PLA2R1: variants seen among roughly 807,000 people sequenced by gnomAD.
The protein encoded by PLA2R1 is secretory phospholipase A2 receptor.
Under a neutral mutation model 195.9 loss-of-function variants are expected in PLA2R1, and 158 were observed. The observed-to-expected ratio is 0.81, with a 90% confidence interval of 0.71 to 0.92. The LOEUF (loss-of-function observed/expected upper bound fraction) is 0.92, where lower values mean the gene tolerates loss of function less well. PLA2R1 is among the 40% of genes least tolerant of loss of function. PLA2R1 has a pLI of 0.00. For synonymous variants in PLA2R1, 586 were observed against 598.2 expected (o/e 0.98, Z 0.30); for missense variants, 1,626 against 1,764.6 (o/e 0.92, Z 1.41).
chr2:159,970,203 A>G lies in PLA2R1; in HGVS notation c.2605T>C (p.Tyr869His). The part of the protein sequence containing the change: ...IHSKIKALSK[Y>H]GASWWIGLQE... ...AGTCCAATCCACCAACTTGCACCAT[A>G]CTTTGATAGCTATTGAAAGAAAAAA... Residue 869 changes from tyrosine to histidine, a missense_variant, in exon 18 of 30, where the codon TAT (tyrosine) becomes CAT (histidine). Tyr to His is a moderately conservative substitution (Grantham distance 83). Coordinates refer to ENST00000283243, the MANE Select transcript of PLA2R1 (RefSeq NM_007366.5). The G allele has an allele frequency of 6.2e-7, 1 of 1,608,110 alleles. No individual in the cohort carries two copies. The highest frequency in any genetic ancestry group is 1.1e-5 in the South Asian group (1 of 90,426).
rs1341340647 is a variant in PLA2R1 at position 159,967,532 on chromosome 2, A to C, written c.2904+7T>G. On this transcript the variant is annotated splice_region_variant and intron_variant, in intron 20 of 29. Transcript: ENST00000283243. The stretch of plus-strand genomic sequence containing the variant: ...AAACAAAGGCAACTTTTGAAAAACA[A>C]GCTTACCTTATAGTTAAAATATAGC... 1.9e-6 allele frequency: 3 copies of C among 1,610,824 alleles called. No individual in the cohort carries two copies. Among genetic ancestry groups the C allele is most frequent in the East Asian group, 2.2e-5 (1 of 44,832 alleles).
At chr2:160,058,089 C>T (rs1305768968) in intron 1 of PLA2R1, among the ~76,000 whole-genome samples, 1 of 152,064 alleles carries the variant, frequency 6.6e-6, no homozygotes, top group Non-Finnish European at 1.5e-5. Context: ...CACTCCCTTA[C>T]CATGCTTTCT....
chr2:160,061,232 C>T (rs1695928551), intron 1 of PLA2R1, among the ~76,000 whole-genome samples: 1 of 152,204 alleles, frequency 6.6e-6, no homozygotes, highest in South Asian at 2.1e-4. Context: ...CTCCTACTTG[C>T]ATATATGGAC....
At chr2:160,061,061 C>T (rs1046390254) in intron 1 of PLA2R1, among the ~76,000 whole-genome samples, 3 of 152,150 alleles carry the variant, frequency 2.0e-5, no homozygotes, top group Admixed American at 6.5e-5. Context: ...GAAAAGACTA[C>T]CTCAAAAATG....
intron 8 of PLA2R1, among the ~76,000 whole-genome samples, chr2:160,019,595 A>G (rs1573908625): frequency 6.6e-6 from 1 of 152,202 alleles, no homozygotes; most frequent in African/African-American, 2.4e-5. Flanking sequence ...AAATCAGGTC[A>G]TGCCCTTTGT....
At chr2:159,960,740 CAG>C (rs1386285522) in intron 20 of PLA2R1, among the ~76,000 whole-genome samples, 1 of 152,130 alleles carries the variant, frequency 6.6e-6, no homozygotes, top group Non-Finnish European at 1.5e-5. Flanking sequence ...TTATCAAACA[CAG>C]AGAAAACTAT....
chr2:159,959,548 T>G (rs1243500838), intron 20 of PLA2R1, among the ~76,000 whole-genome samples: 9 of 152,246 alleles, frequency 5.9e-5, no homozygotes, highest in Admixed American at 5.9e-4. Flanking sequence ...AATGCATCTC[T>G]GATTATTACT....
chr2:160,007,585 C>T (rs1052367375), intron 10 of PLA2R1, among the ~76,000 whole-genome samples: 2 of 152,176 alleles, frequency 1.3e-5, no homozygotes, highest in Non-Finnish European at 2.9e-5. Flanking sequence ...GGAGTTTGGC[C>T]AGAAGAAAGT....
chr2:160,002,783 C>A (rs1242338818), intron 11 of PLA2R1, among the ~76,000 whole-genome samples: 2 of 152,008 alleles, frequency 1.3e-5, no homozygotes, highest in Non-Finnish European at 2.9e-5. Flanking sequence ...GTTTACCCAA[C>A]AGTACAAAGC....
At chr2:160,004,585 G>T (rs1336519838) in intron 11 of PLA2R1, among the ~76,000 whole-genome samples, 2 of 152,212 alleles carry the variant, frequency 1.3e-5, no homozygotes, top group Non-Finnish European at 2.9e-5. Flanking sequence ...GGCCTTCAGG[G>T]AGGGAAGAGC....
chr2:159,969,371 T>A lies in PLA2R1; in HGVS notation c.2661-12A>T. On this transcript the variant is annotated splice_polypyrimidine_tract_variant and intron_variant, in intron 18 of 29. Coordinates refer to ENST00000283243, the MANE Select transcript of PLA2R1 (RefSeq NM_007366.5). ...TTCCATCTCTCCAGCTGTGGGAAGA[T>A]TAAAAATGTTAAGGTCTTCTCTCAT... 1 of 1,434,862 alleles carries A rather than the reference T, an allele frequency of 7.0e-7. No homozygotes were observed. The highest frequency in any genetic ancestry group is 9.8e-7 in the Non-Finnish European group (1 of 1,018,824). The allele number at this position is 1,434,862 out of a possible 1,614,324, so 88.9% of individuals were successfully genotyped here. A position where few individuals can be genotyped will look rare whatever the true frequency, so the allele number is the denominator to read the frequency against.
chr2:160,013,709 C>G (rs879832247), intron 9 of PLA2R1, among the ~76,000 whole-genome samples: 24,082 of 63,690 alleles, frequency 0.38, 2,699 homozygotes, highest in East Asian at 0.49. Flanking sequence ...CTCTGTCTCT[C>G]TCTCTCTCTC....
chr2:160,058,505 A>G lies in PLA2R1; in HGVS notation c.109+3790T>C, dbSNP rs549543255. Among the ~76,000 whole-genome samples, 8 of 152,126 alleles carry G rather than the reference A, an allele frequency of 5.3e-5. No individual in the cohort carries two copies. The East Asian group carries it at 1.5e-3, about 29-fold the overall frequency. ...CTCTCCTACGATATATTAGTGGGGG[A>G]CCATTTCACATTTATCATTTTTCAA... On this transcript the variant is annotated intron_variant, in intron 1 of 29. Coordinates refer to ENST00000283243, the MANE Select transcript of PLA2R1 (RefSeq NM_007366.5).
At chr2:160,008,750 A>T (rs540442242) in intron 10 of PLA2R1, among the ~76,000 whole-genome samples, 3 of 152,236 alleles carry the variant, frequency 2.0e-5, no homozygotes, top group Non-Finnish European at 2.9e-5. Context: ...TATCAACAGA[A>T]TGAAAAGGCA....
intron 3 of PLA2R1, among the ~76,000 whole-genome samples, chr2:160,037,338 A>C (rs550932226): frequency 1.3e-5 from 2 of 152,306 alleles, no homozygotes; most frequent in South Asian, 4.2e-4. Context: ...TACCTTTATG[A>C]CACTCATGGA....
intron 8 of PLA2R1, among the ~76,000 whole-genome samples, chr2:160,017,892 C>A (rs1055382487): frequency 6.6e-6 from 1 of 152,138 alleles, no homozygotes; most frequent in South Asian, 2.1e-4. Flanking sequence ...ATCGCTCCCC[C>A]ATGGAGTCTT....
chr2:159,924,535 G>A, the PLA2R1 span, among the ~76,000 whole-genome samples: 4 of 152,084 alleles, frequency 2.6e-5, no homozygotes, highest in Non-Finnish European at 4.4e-5. Flanking sequence ...CAGCCAAAAT[G>A]GATGTCAAAT....
intron 1 of PLA2R1, among the ~76,000 whole-genome samples, chr2:160,051,114 T>C (rs1695186014): frequency 6.6e-6 from 1 of 152,238 alleles, no homozygotes; most frequent in Non-Finnish European, 1.5e-5. Context: ...AATGGTGGCA[T>C]TTTAGGCAAA....
At chr2:159,996,197 T>C (rs1352973240) in intron 11 of PLA2R1, among the ~76,000 whole-genome samples, 1 of 152,140 alleles carries the variant, frequency 6.6e-6, no homozygotes, top group African/African-American at 2.4e-5. Context: ...TCTTTGAATA[T>C]TTCGTGCAAG....
Sources: gnomAD v4.1 joint callset for allele counts (sites outside exome capture counted in the v4.1 genomes callset) on GRCh38, gnomAD v4.1.1 for gene constraint, MANE v1.5 for transcripts, NCBI Gene and HGNC (gene_info 2026-07-23, HGNC 2026-07-21) for gene names.